The following ARHGAP18 variants were observed in gnomAD, a reference collection of about 807,000 sequenced individuals.
The protein encoded by ARHGAP18 is Rho GTPase activating protein 18.
Under a neutral mutation model 86.2 loss-of-function variants are expected in ARHGAP18, and 67 were observed. The observed-to-expected ratio is 0.78, with a 90% CI of 0.64 to 0.95. ARHGAP18 has a LOEUF of 0.95. Ranked by LOEUF, ARHGAP18 falls within the 40% of genes least tolerant of loss-of-function variation. The pLI is 0.00. For synonymous variants in ARHGAP18, 283 were observed against 280.4 expected, an observed-to-expected ratio of 1.01 and a Z score of -0.09; for missense variants, 691 against 780.4, an observed-to-expected ratio of 0.89 and a Z score of 1.37.
intron 1 of ARHGAP18, among the ~76,000 whole-genome samples, chr6:129,665,205 C>A (rs1291990786): frequency 6.6e-6 from 1 of 152,160 alleles, no homozygotes; most frequent in Non-Finnish European, 1.5e-5. Flanking sequence ...TTTAATTCCA[C>A]ATTCTAACCA....
At chr6:129,597,617 G>A (rs1019121791) in intron 12 of ARHGAP18, among the ~76,000 whole-genome samples, 10 of 151,996 alleles carry the variant, frequency 6.6e-5, no homozygotes, top group Non-Finnish European at 1.3e-4. Flanking sequence ...GGCTCCTCGA[G>A]GGTGAGCACC....
intron 1 of ARHGAP18, among the ~76,000 whole-genome samples, chr6:129,663,028 T>G (rs1044102301): frequency 6.6e-6 from 1 of 152,240 alleles, no homozygotes; most frequent in African/African-American, 2.4e-5. Context: ...GTTGTCATTA[T>G]AACCCCCCAT....
chr6:129,635,398 T>C (rs183825973), intron 3 of ARHGAP18, among the ~76,000 whole-genome samples: 1 of 152,262 alleles, frequency 6.6e-6, no homozygotes, highest in Non-Finnish European at 1.5e-5. Flanking sequence ...GACTACCAAG[T>C]CACAGAAGTG....
rs185088645 is a variant in ARHGAP18 at position 129,660,368 on chromosome 6, A to C, written c.114-18350T>G. Among the ~76,000 whole-genome samples, 54 of 152,364 alleles carry C rather than the reference A, an allele frequency of 3.5e-4. No individual in the cohort carries two copies. In the East Asian group the frequency reaches 9.3e-3, roughly 26 times the overall value. On this transcript the variant is annotated intron_variant, in intron 1 of 14. Coordinates refer to ENST00000368149, the MANE Select transcript of ARHGAP18 (RefSeq NM_033515.3). ...AGGACACATTCAAGAAGCTTTTCCC[A>C]AAGAGAATGCCTGGGTGACCAATTA...
intron 12 of ARHGAP18, among the ~76,000 whole-genome samples, chr6:129,589,440 T>C (rs1788466659): frequency 6.6e-6 from 1 of 152,194 alleles, no homozygotes; most frequent in Non-Finnish European, 1.5e-5. Context: ...TCTCCATCTG[T>C]GACCACCTCA....
chr6:129,693,363 A>G (rs575418848), intron 1 of ARHGAP18, among the ~76,000 whole-genome samples: 3 of 152,322 alleles, frequency 2.0e-5, no homozygotes, highest in African/African-American at 7.2e-5. Context: ...GTGTTCTCAA[A>G]GCATATCTTG....
At chr6:129,707,093 C>T (rs1039242419) in intron 1 of ARHGAP18, among the ~76,000 whole-genome samples, 1 of 151,062 alleles carries the variant, frequency 6.6e-6, no homozygotes, top group African/African-American at 2.4e-5. Context: ...ATTAGCCAGG[C>T]GTGGTGGTGC....
intron 10 of ARHGAP18, among the ~76,000 whole-genome samples, chr6:129,603,063 G>A (rs1788780788): frequency 1.3e-5 from 2 of 151,342 alleles, no homozygotes; most frequent in African/African-American, 2.4e-5. Flanking sequence ...GTTCTTTTGC[G>A]GTGATTTCTA....
intron 1 of ARHGAP18, among the ~76,000 whole-genome samples, chr6:129,654,333 C>T (rs1584092165): frequency 6.6e-6 from 1 of 152,174 alleles, no homozygotes; most frequent in Admixed American, 6.5e-5. Context: ...CAAATGCCAC[C>T]CACAGACACA....
In ARHGAP18 at chr6:129,629,481, G is replaced by T; in HGVS notation, c.658C>A (p.Pro220Thr). The T allele has an allele frequency of 6.2e-7, 1 of 1,613,668 alleles. No homozygotes were observed. The highest frequency in any genetic ancestry group is 8.5e-7 in the Non-Finnish European group (1 of 1,179,854). Residue 220 changes from proline (P) to threonine (T), a missense_variant, in exon 5 of 15, where the codon CCT (proline) becomes ACT (threonine). Transcript: ENST00000368149. ...GTTTCAGGGGCAGGCGTCTCCTCAG[G>T]TGGGATCAGCTTCTCTTCACCAACA... ...NLVGEEKLIPPEETPAPETDI... is the reference protein window; with the variant it reads ...NLVGEEKLIPTEETPAPETDI...
intron 5 of ARHGAP18, among the ~76,000 whole-genome samples, chr6:129,620,426 AT>A (rs1281632786): frequency 6.6e-6 from 1 of 152,252 alleles, no homozygotes; most frequent in Non-Finnish European, 1.5e-5. Context: ...ATGTTGCTTC[AT>A]AATCACAAGC....
intron 1 of ARHGAP18, among the ~76,000 whole-genome samples, chr6:129,682,914 C>T (rs1285955905): frequency 6.6e-6 from 1 of 152,064 alleles, no homozygotes. Flanking sequence ...AAAGACATAG[C>T]TTGATAATAT....
intron 4 of ARHGAP18, 54 bp downstream of exon 4, chr6:129,633,988 T>G: frequency 6.9e-7 from 1 of 1,447,486 alleles, no homozygotes; most frequent in East Asian, 2.3e-5. Context: ...CTGTAACTGT[T>G]ATACTAATTA....
At chr6:129,645,774 T>G (rs1057155485) in intron 1 of ARHGAP18, among the ~76,000 whole-genome samples, 2 of 152,150 alleles carry the variant, frequency 1.3e-5, no homozygotes, top group Admixed American at 6.5e-5. Flanking sequence ...TTTTTTACCA[T>G]GAACACTCAC....
rs181027202 is a variant in ARHGAP18 at position 129,709,577 on chromosome 6, A to T, written c.113+447T>A. ...CTTTCAGCAAAGAGAGGGGGGAAAA[A>T]AAACACTCTAACAACAACAGCTTGT... is the stretch of plus-strand genomic sequence containing the variant. On this transcript the variant is annotated intron_variant, in intron 1 of 14. Coordinates refer to ENST00000368149, the MANE Select transcript of ARHGAP18 (RefSeq NM_033515.3). Among the ~76,000 whole-genome samples, 203 of 152,356 alleles carry T rather than the reference A, an allele frequency of 1.3e-3. 1 individual carries two copies. Among genetic ancestry groups the T allele is most frequent in the African/African-American group, 4.6e-3 (192 of 41,584 alleles).
At chr6:129,642,551 C>T (rs1476081675) in intron 1 of ARHGAP18, among the ~76,000 whole-genome samples, 2 of 152,010 alleles carry the variant, frequency 1.3e-5, no homozygotes, top group African/African-American at 4.8e-5. Flanking sequence ...CCACCTCAAC[C>T]TCCCAAAGCA....
At chr6:129,705,549 A>G (rs1209187379) in intron 1 of ARHGAP18, among the ~76,000 whole-genome samples, 1 of 152,194 alleles carries the variant, frequency 6.6e-6, no homozygotes, top group African/African-American at 2.4e-5. Flanking sequence ...AAAGGCCTAA[A>G]CTTTTACATT....
intron 1 of ARHGAP18, among the ~76,000 whole-genome samples, chr6:129,655,040 GC>G (rs1324521470): frequency 1.3e-5 from 2 of 152,168 alleles, no homozygotes; most frequent in African/African-American, 4.8e-5. Flanking sequence ...GAGAGGCTCG[GC>G]CGGGTGCGGT....
chr6:129,672,059 C>T (rs1380881179), intron 1 of ARHGAP18, among the ~76,000 whole-genome samples: 1 of 152,112 alleles, frequency 6.6e-6, no homozygotes, highest in African/African-American at 2.4e-5. Context: ...AAGTGGGTTC[C>T]AGAAACCAGT....
Sources: allele counts gnomAD v4.1 joint callset (sites outside exome capture counted in the v4.1 genomes callset), GRCh38; gene constraint gnomAD v4.1.1; transcripts MANE v1.5; gene names NCBI Gene and HGNC (gene_info 2026-07-23, HGNC 2026-07-21).